Variants in SCARB1 observed in about 807,000 individuals in gnomAD.
SCARB1 encodes scavenger receptor class B member 1.
Under a neutral mutation model 57.2 loss-of-function variants are expected in SCARB1, and 30 were observed. The ratio of observed to expected loss-of-function variants is 0.52; its 90% CI spans 0.39 to 0.71. The LOEUF (loss-of-function observed/expected upper bound fraction) is 0.71, where lower values mean the gene tolerates loss of function less well. Ranked by LOEUF, SCARB1 falls within the 30% of genes least tolerant of loss-of-function variation. SCARB1 has a pLI of 0.00. For synonymous variants in SCARB1, 249 were observed against 268.3 expected, an observed-to-expected ratio of 0.93 and a Z score of 0.70; for missense variants, 543 against 671.2, an observed-to-expected ratio of 0.81 and a Z score of 2.11.
In SCARB1 at chr12:124,778,430, G is replaced by A; in HGVS notation, c.*157C>T. 2.3e-6 allele frequency: 3 copies of A among 1,306,814 alleles called. No homozygotes were observed. Among genetic ancestry groups the A allele is most frequent in the Non-Finnish European group, 1.9e-6 (2 of 1,026,020 alleles). The allele number at this position is 1,306,814 out of a possible 1,614,324, so 81.0% of individuals were successfully genotyped here. On this transcript the variant is annotated 3_prime_UTR_variant, in exon 13 of 13. Transcript: ENST00000261693. ...TGTGTGTATGTGTGCCAGGGCGTGT[G>A]TGCAGGTGTGCAACAGGCACATGGC... is the stretch of plus-strand genomic sequence containing the variant.
chr12:124,804,798 G>A (rs1255376193), intron 7 of SCARB1, among the ~76,000 whole-genome samples: 6 of 152,324 alleles, frequency 3.9e-5, no homozygotes, highest in East Asian at 1.9e-4. Context: ...ATTGCCAGCT[G>A]GAGGACGGGG....
At chr12:124,821,610 G>C in intron 1 of SCARB1, 4 of 877,348 alleles carry the variant, frequency 4.6e-6, no homozygotes, top group Non-Finnish European at 5.5e-6. Context: ...ATCAGGGATG[G>C]GTCACTGACC....
intron 8 of SCARB1, among the ~76,000 whole-genome samples, chr12:124,795,819 C>T (rs1479520860): frequency 1.3e-5 from 2 of 152,212 alleles, no homozygotes; most frequent in Non-Finnish European, 2.9e-5. Flanking sequence ...GTGCTGACAG[C>T]TGGCCCCAGG....
intron 1 of SCARB1, among the ~76,000 whole-genome samples, chr12:124,850,540 G>A (rs775521135): frequency 6.6e-5 from 10 of 152,188 alleles, no homozygotes; most frequent in South Asian, 2.1e-4. Context: ...GCACAGTGGC[G>A]CAGCCTGTAA....
intron 1 of SCARB1, among the ~76,000 whole-genome samples, chr12:124,841,895 G>A (rs548479061): frequency 1.4e-4 from 22 of 152,164 alleles, no homozygotes; most frequent in Non-Finnish European, 2.9e-4. Flanking sequence ...CTGCTAAAGC[G>A]TAGCTGCCGT....
intron 6 of SCARB1, among the ~76,000 whole-genome samples, chr12:124,808,277 GAGACCC>G (rs1391484964): frequency 6.6e-6 from 1 of 152,188 alleles, no homozygotes; most frequent in Non-Finnish European, 1.5e-5. Flanking sequence ...GGAACATAGT[GAGACCC>G]AGTCTCTAAA....
intron 1 of SCARB1, among the ~76,000 whole-genome samples, chr12:124,859,530 CA>C (rs1158793677): frequency 2.8e-4 from 2 of 7,194 alleles, no homozygotes; most frequent in Admixed American, 4.3e-3. Flanking sequence ...GACTCCATCT[CA>C]AAAAAGAAAA....
chr12:124,807,187 T>G lies in SCARB1; in HGVS notation c.1009+574A>C, dbSNP rs938196202. 6.5e-4 allele frequency among the ~76,000 whole-genome samples: 99 copies of G among 151,676 alleles called. 1 individual carries two copies. Among genetic ancestry groups the G allele is most frequent in the African/African-American group, 9.7e-5 (4 of 41,232 alleles). ...CTGCACTCCAACCTGGGTAACAGAGTGAGAGTCTGTCTCAAAAAAAATAAT... is the reference window on the plus strand; with the variant it reads ...CTGCACTCCAACCTGGGTAACAGAGGGAGAGTCTGTCTCAAAAAAAATAAT... On this transcript the variant is annotated intron_variant, in intron 7 of 12. Coordinates refer to ENST00000261693, the MANE Select transcript of SCARB1 (RefSeq NM_005505.5). The surrounding 1 kb of genome is among the most constrained non-coding windows in gnomAD (Gnocchi z 5.3).
intron 1 of SCARB1, among the ~76,000 whole-genome samples, chr12:124,829,716 G>A (rs762566158): frequency 9.9e-5 from 15 of 152,162 alleles, no homozygotes; most frequent in Non-Finnish European, 1.3e-4. Context: ...CACTTTCTCC[G>A]TGAGACCTTC....
intron 11 of SCARB1, 37 bp downstream of exon 11, chr12:124,786,320 G>A (rs748716906): frequency 6.2e-7 from 1 of 1,611,550 alleles, no homozygotes; most frequent in Admixed American, 1.7e-5. Context: ...GCAAGCGAAT[G>A]GCTGTCAGCC....
intron 12 of SCARB1, among the ~76,000 whole-genome samples, chr12:124,779,363 T>C (rs1177088246): frequency 1.3e-5 from 2 of 152,084 alleles, no homozygotes; most frequent in African/African-American, 4.8e-5. Flanking sequence ...GCAGCTTCGG[T>C]CACATTCAAA....
chr12:124,780,017 C>T (rs1594164149), intron 12 of SCARB1, among the ~76,000 whole-genome samples: 1 of 152,174 alleles, frequency 6.6e-6, no homozygotes, highest in African/African-American at 2.4e-5. Flanking sequence ...GGGAAACCAC[C>T]CCTAGGCTGT....
intron 12 of SCARB1, among the ~76,000 whole-genome samples, chr12:124,781,633 T>A (rs1873495006): frequency 6.6e-6 from 1 of 152,214 alleles, no homozygotes; most frequent in Non-Finnish European, 1.5e-5. Context: ...GAACGCCTAG[T>A]TAAATGTGAA....
chr12:124,857,966 G>A (rs888202585), intron 1 of SCARB1, among the ~76,000 whole-genome samples: 2 of 152,194 alleles, frequency 1.3e-5, no homozygotes, highest in African/African-American at 4.8e-5. Context: ...TCCACCAGCT[G>A]GGCCTTCCTT....
rs1253344901 is a variant in SCARB1, at chr12:124,851,607, CA to C, written c.126+11987del. Among the ~76,000 whole-genome samples the C allele has an allele frequency of 2.1e-5, 3 of 143,464 alleles. 1 individual carries two copies. Among genetic ancestry groups the C allele is most frequent in the African/African-American group, 8.3e-5 (3 of 36,294 alleles). 94.1% of individuals were successfully genotyped at this position (143,464 alleles called of 152,430 possible). ...GAACAAAGTGAAACATAAAGGATTC[CA>C]TTTTTTTTTTTTTTTTTTTGAGATG... On this transcript the variant is annotated intron_variant, in intron 1 of 12. Coordinates refer to ENST00000261693, the MANE Select transcript of SCARB1 (RefSeq NM_005505.5).
rs370624727 is a variant in SCARB1 at position 124,786,968 on chromosome 12, G to A, written c.1254+438C>T. On this transcript the variant is annotated intron_variant, in intron 10 of 12. Transcript: ENST00000261693. ...AGCTAGCCCTGATTTAAAACGAGGT[G>A]GGCAAGAAACAATAAATACAGTAAA... 2.6e-5 allele frequency among the ~76,000 whole-genome samples: 4 copies of A among 151,848 alleles called. 1 individual carries two copies. The East Asian group carries it at 7.7e-4, about 29-fold the overall frequency.
rs1282549333 is a variant in SCARB1, at chr12:124,789,670, G to A, written c.1203-2213C>T. The stretch of plus-strand genomic sequence containing the variant: ...GCAATCAGGCAAGAGAAAGAAAAAC[G>A]AAAAAACAAAAACAAATTTTAAAAC... On this transcript the variant is annotated intron_variant, in intron 9 of 12. Coordinates refer to ENST00000261693, the MANE Select transcript of SCARB1 (RefSeq NM_005505.5). The surrounding 1 kb of genome is among the most constrained non-coding windows in gnomAD (Gnocchi z 4.4). Among the ~76,000 whole-genome samples, 6 of 151,962 alleles carry A rather than the reference G, an allele frequency of 3.9e-5. No individual in the cohort carries two copies. The highest frequency in any genetic ancestry group is 1.9e-4 in the East Asian group (1 of 5,184).
intron 1 of SCARB1, among the ~76,000 whole-genome samples, chr12:124,847,008 A>C (rs1341341588): frequency 6.6e-6 from 1 of 152,210 alleles, no homozygotes; most frequent in East Asian, 1.9e-4. Flanking sequence ...TACTATAAAA[A>C]GCAAAGCAAG....
Position 124,786,575 on chromosome 12 carries a change from C to G in SCARB1, c.1255-72G>C. On this transcript the variant is annotated intron_variant, in intron 10 of 12. Coordinates refer to ENST00000261693, the MANE Select transcript of SCARB1 (RefSeq NM_005505.5). ...GGGCTACAGCGCAGATGCCACCCAA[C>G]ACCTTCCTCTGTGCCCGCCTCAGCT... 8.2e-6 allele frequency: 13 copies of G among 1,589,458 alleles called. No homozygotes were observed. In the Admixed American group the frequency reaches 8.7e-5, roughly 11 times the overall value.
Sources: gnomAD v4.1 joint callset for allele counts (sites outside exome capture counted in the v4.1 genomes callset) on GRCh38, gnomAD v4.1.1 for gene constraint, Gnocchi (gnomAD v3.1) non-coding constraint, MANE v1.5 for transcripts, NCBI Gene and HGNC (gene_info 2026-07-23, HGNC 2026-07-21) for gene names.